Variants in SHB observed in about 807,000 individuals in gnomAD.
The protein encoded by SHB is SH2 domain-containing adapter protein B.
In SHB, 20 loss-of-function variants were observed where a neutral mutation model predicts 52.3. The ratio of observed to expected loss-of-function variants is 0.38; its 90% CI spans 0.27 to 0.56. The LOEUF (loss-of-function observed/expected upper bound fraction) is 0.56. SHB is among the 20% of genes least tolerant of loss of function. The pLI, the probability that SHB is intolerant of heterozygous loss-of-function variation, is 0.71. For missense variants in SHB, 825 were observed against 723.3 expected (o/e 1.14, Z -1.61); for synonymous variants, 397 against 316.5 (o/e 1.25, Z -2.70).
chr9:37,977,457 T>A (rs1409759613), intron 2 of SHB, among the ~76,000 whole-genome samples: 1 of 152,200 alleles, frequency 6.6e-6, no homozygotes, highest in African/African-American at 2.4e-5. Context: ...TAATATCACA[T>A]CTATGAGAAG....
chr9:38,028,611 C>A (rs1350089471), intron 1 of SHB, among the ~76,000 whole-genome samples: 1 of 152,242 alleles, frequency 6.6e-6, no homozygotes, highest in African/African-American at 2.4e-5. Flanking sequence ...GCCTGTGGCA[C>A]CTCTAACCCG....
At position 37,916,128 on chromosome 9, in the gene SHB, C is replaced by T. The variant is rs1318633929; in HGVS notation, c.*3693G>A. Among the ~76,000 whole-genome samples the T allele has an allele frequency of 2.0e-5, 3 of 152,208 alleles. No homozygotes were observed. Among genetic ancestry groups the T allele is most frequent in the Non-Finnish European group, 4.4e-5 (3 of 68,030 alleles). ...GCAAGCGCGCCTGTGAACAAGTCCC[C>T]GTGGGGTTCTGGGAGGTGCGCCCAC... On this transcript the variant is annotated 3_prime_UTR_variant, in exon 6 of 6. Transcript: ENST00000377707.
chr9:37,981,319 C>A (rs949485034), intron 2 of SHB, among the ~76,000 whole-genome samples: 3 of 152,248 alleles, frequency 2.0e-5, no homozygotes, highest in African/African-American at 7.2e-5. Flanking sequence ...CCACACACTT[C>A]CATGTTATGG....
At chr9:37,986,622 A>T (rs1362702339) in intron 2 of SHB, among the ~76,000 whole-genome samples, 1 of 152,214 alleles carries the variant, frequency 6.6e-6, no homozygotes, top group Non-Finnish European at 1.5e-5. Flanking sequence ...CCCTTTCAAG[A>T]AGTGGGCAGA....
In SHB at chr9:38,021,596, A is replaced by G. The variant is rs537391086; in HGVS notation, c.718-5465T>C. ...GGCAGAAGAATTGCTTGAACCCAGG[A>G]GGCGGAGGTTGCAGTTAGCTGAGAT... is the stretch of plus-strand genomic sequence containing the variant. On this transcript the variant is annotated intron_variant, in intron 1 of 5. Coordinates refer to ENST00000377707, the MANE Select transcript of SHB (RefSeq NM_003028.3). Among the ~76,000 whole-genome samples the G allele has an allele frequency of 3.0e-4, 45 of 152,012 alleles. 1 individual carries two copies. Among genetic ancestry groups the G allele is most frequent in the Admixed American group, 2.7e-3 (41 of 15,270 alleles).
At chr9:38,028,934 C>T (rs114451845) in intron 1 of SHB, among the ~76,000 whole-genome samples, 449 of 152,292 alleles carry the variant, frequency 2.9e-3, no homozygotes, top group African/African-American at 0.01. Context: ...GGGCACCTTG[C>T]CTGCTGCTCC....
At chr9:38,058,920 C>T (rs1411201393) in intron 1 of SHB, among the ~76,000 whole-genome samples, 2 of 152,226 alleles carry the variant, frequency 1.3e-5, no homozygotes, top group African/African-American at 2.4e-5. Context: ...CCCAAATTCA[C>T]GTTTGCCATC....
At chr9:38,023,741 C>G (rs980704479) in intron 1 of SHB, among the ~76,000 whole-genome samples, 3 of 152,192 alleles carry the variant, frequency 2.0e-5, no homozygotes, top group Non-Finnish European at 4.4e-5. Flanking sequence ...TCTCATAACT[C>G]TCGAGGCACT....
At chr9:37,951,256 G>A (rs1832563601) in intron 4 of SHB, among the ~76,000 whole-genome samples, 1 of 152,236 alleles carries the variant, frequency 6.6e-6, no homozygotes, top group Non-Finnish European at 1.5e-5. Flanking sequence ...GGAGAAGGCA[G>A]GAAGAGCATG....
intron 1 of SHB, among the ~76,000 whole-genome samples, chr9:38,061,361 A>T (rs1375599749): frequency 6.6e-6 from 1 of 151,518 alleles, no homozygotes; most frequent in Non-Finnish European, 1.5e-5. Flanking sequence ...TACCACCACC[A>T]TCAACCAACC....
chr9:38,067,801 G>C, intron 1 of SHB, 128 bp downstream of exon 1: 1 of 1,064,542 alleles, frequency 9.4e-7, no homozygotes, highest in African/African-American at 1.7e-5. Context: ...GAAGCAGCAC[G>C]CCAGCCCCGA....
intron 2 of SHB, among the ~76,000 whole-genome samples, chr9:37,998,096 G>A (rs1820971656): frequency 6.6e-6 from 1 of 152,190 alleles, no homozygotes; most frequent in Non-Finnish European, 1.5e-5. Flanking sequence ...GTGCCGCCGT[G>A]CCCAACTGCC....
In SHB at chr9:37,919,990, A is replaced by G. The variant is rs751564075; in HGVS notation, c.1361T>C (p.Phe454Ser). 1 of 1,613,946 alleles carries G rather than the reference A, an allele frequency of 6.2e-7. No individual in the cohort carries two copies. Among genetic ancestry groups the G allele is most frequent in the Non-Finnish European group, 8.5e-7 (1 of 1,179,892 alleles). ...YSLSLRSNQG[F>S]MHMKLAKTKE... ...GGTTTTGGCCAGTTTCATGTGCATA[A>G]AACCCTGGTTGCTCCTGTGAACAAA... The change falls in exon 6 of 6, where the codon TTT (phenylalanine) becomes TCT (serine). Residue 454 changes from phenylalanine to serine, a missense_variant. Transcript: ENST00000377707.
chr9:37,928,209 C>A (rs1379260951), intron 5 of SHB, among the ~76,000 whole-genome samples: 3 of 152,174 alleles, frequency 2.0e-5, no homozygotes, highest in Non-Finnish European at 4.4e-5. Flanking sequence ...GGTGGGAGCA[C>A]CACAGCAGGA....
At chr9:37,963,354 T>C (rs1188934997) in intron 3 of SHB, among the ~76,000 whole-genome samples, 2 of 152,158 alleles carry the variant, frequency 1.3e-5, no homozygotes, top group Non-Finnish European at 1.5e-5. Context: ...GTTGGAATGA[T>C]GAAAAACAAG....
chr9:37,987,081 G>A (rs1820818108), intron 2 of SHB, among the ~76,000 whole-genome samples: 2 of 152,232 alleles, frequency 1.3e-5, no homozygotes, highest in South Asian at 4.1e-4. Flanking sequence ...CTCACCAAGT[G>A]GCTTCACCTG....
chr9:37,994,993 A>C (rs186396551), intron 2 of SHB, among the ~76,000 whole-genome samples: 459 of 152,272 alleles, frequency 3.0e-3, no homozygotes, highest in African/African-American at 0.01. Flanking sequence ...TGGAACTGAA[A>C]CGTTCTTCCT....
intron 3 of SHB, among the ~76,000 whole-genome samples, chr9:37,974,006 G>A (rs1463076305): frequency 6.6e-6 from 1 of 152,222 alleles, no homozygotes. Flanking sequence ...TGTAATCCCA[G>A]CACTTTGGGA....
At chr9:38,031,125 T>C (rs985176318) in intron 1 of SHB, among the ~76,000 whole-genome samples, 3 of 152,068 alleles carry the variant, frequency 2.0e-5, no homozygotes, top group African/African-American at 4.8e-5. Context: ...ATAGAGACCA[T>C]CATGGCCAAC....
Sources: gnomAD v4.1 joint callset for allele counts (sites outside exome capture counted in the v4.1 genomes callset) on GRCh38, gnomAD v4.1.1 for gene constraint, MANE v1.5 for transcripts, NCBI Gene and HGNC (gene_info 2026-07-23, HGNC 2026-07-21) for gene names.